The following EFCAB3 variants were observed in gnomAD, a reference collection of about 807,000 sequenced individuals.
EFCAB3 encodes the protein EF-hand calcium-binding domain-containing protein 3.
In EFCAB3, 36 loss-of-function variants were observed where a neutral mutation model predicts 42.2. The observed-to-expected ratio is 0.85, with a 90% CI of 0.65 to 1.13. The LOEUF (loss-of-function observed/expected upper bound fraction) is 1.13, where lower values mean the gene tolerates loss of function less well. Among genes scored for constraint, EFCAB3 ranks in the 50% most tolerant of loss-of-function variants. EFCAB3 has a pLI of 0.00. For synonymous variants in EFCAB3, 170 were observed against 172.8 expected (o/e 0.98, Z 0.13); for missense variants, 418 against 505.1 (o/e 0.83, Z 1.65).
chr17:62,413,784 T>C lies in EFCAB3; in HGVS notation c.920T>C (p.Phe307Ser). Residue 307 changes from phenylalanine (F) to serine (S), a missense_variant, in exon 9 of 10, where the codon TTC becomes TCC. Coordinates refer to ENST00000305286, the MANE Select transcript of EFCAB3 (RefSeq NM_173503.4). ...DPASGYSNNI[F>S]TIDQMLKKKQ... Reference sequence around the variant, plus strand: ...GCCTCAGGTTATTCAAATAACATCTTCACCATTGATCAAATGCTCAAGAAA... The same window carrying C: ...GCCTCAGGTTATTCAAATAACATCTCCACCATTGATCAAATGCTCAAGAAA... 1 of 1,613,878 alleles carries C rather than the reference T, an allele frequency of 6.2e-7. No individual in the cohort carries two copies. The highest frequency in any genetic ancestry group is 8.5e-7 in the Non-Finnish European group (1 of 1,179,824).
chr17:62,407,071 C>G lies in EFCAB3; in HGVS notation c.726C>G (p.Ile242Met), dbSNP rs376496911. ...GSDSPYSKIP[I>M]FPLFPNVDGV... ...ATAGCCCATATTCAAAAATACCCAT[C>G]TTTCCATTGTTCCCTAATGTGGATG... The change falls in exon 8 of 10, where the codon ATC (isoleucine) becomes ATG (methionine). Residue 242 changes from isoleucine (I) to methionine (M), a missense_variant. By Grantham distance (10) the Ile-to-Met change is conservative. Coordinates refer to ENST00000305286, the MANE Select transcript of EFCAB3 (RefSeq NM_173503.4). 5.6e-6 allele frequency: 9 copies of G among 1,602,124 alleles called. No individual in the cohort carries two copies. The highest frequency in any genetic ancestry group is 1.3e-5 in the African/African-American group (1 of 74,284).
intron 3 of EFCAB3, among the ~76,000 whole-genome samples, chr17:62,388,073 G>A (rs2070270194): frequency 6.6e-6 from 1 of 152,178 alleles, no homozygotes; most frequent in South Asian, 2.1e-4. Flanking sequence ...AGCTGAGCGT[G>A]GTGGCGGGCA....
chr17:62,398,117 G>A (rs1211772161), intron 6 of EFCAB3: 12 of 294,078 alleles, frequency 4.1e-5, no homozygotes, highest in Non-Finnish European at 7.6e-5. Context: ...CTATACAAAG[G>A]CACGAAGGAA....
At chr17:62,410,590 C>T (rs1361042562) in intron 8 of EFCAB3, among the ~76,000 whole-genome samples, 1 of 151,150 alleles carries the variant, frequency 6.6e-6, no homozygotes, top group Non-Finnish European at 1.5e-5. Context: ...TCTGTCTCTA[C>T]AAAATATATA....
rs2070338403 is a variant in EFCAB3 at position 62,395,157 on chromosome 17, C to T, written c.457C>T (p.Leu153=). 1.9e-6 allele frequency: 3 copies of T among 1,613,930 alleles called. No homozygotes were observed. Among genetic ancestry groups the T allele is most frequent in the Middle Eastern group, 3.3e-4 (2 of 6,060 alleles). Residue 153 remains leucine, a synonymous_variant, in exon 6 of 10, where the codon CTA becomes TTA. Transcript: ENST00000305286. ...ATCAAGGCTTCTAGAGACTTCAGCC[C>T]TACCCAGAAAGTCTATAATAGAAAT... ...ILSRLLETSA[L]PRKSIIEIVS...
intron 8 of EFCAB3, among the ~76,000 whole-genome samples, chr17:62,410,786 G>A (rs1352339993): frequency 2.0e-5 from 3 of 152,094 alleles, no homozygotes; most frequent in Non-Finnish European, 4.4e-5. Flanking sequence ...TGGGATTGGG[G>A]TTTAGATGCC....
At chr17:62,414,229 C>T (rs917049375) in intron 9 of EFCAB3, among the ~76,000 whole-genome samples, 11 of 152,184 alleles carry the variant, frequency 7.2e-5, no homozygotes, top group Admixed American at 3.3e-4. Context: ...AGCCCTGGGA[C>T]ACCAGCTGCA....
chr17:62,397,665 C>A, intron 6 of EFCAB3: 1 of 590,042 alleles, frequency 1.7e-6, no homozygotes, highest in South Asian at 1.5e-5. Flanking sequence ...GCCTTTGTAC[C>A]CAATGGTGGT....
upstream of EFCAB3, among the ~76,000 whole-genome samples, chr17:62,377,382 T>C (rs916607708): frequency 6.6e-6 from 1 of 152,162 alleles, no homozygotes; most frequent in Non-Finnish European, 1.5e-5. Flanking sequence ...CACACTTTTT[T>C]CCTGAGTATT....
At position 62,387,357 on chromosome 17, in the gene EFCAB3, G is replaced by A. The variant is rs1490959388; in HGVS notation, c.92G>A (p.Gly31Glu). 6.2e-7 allele frequency: 1 copy of A among 1,611,226 alleles called. No individual in the cohort carries two copies. The highest frequency in any genetic ancestry group is 8.5e-7 in the Non-Finnish European group (1 of 1,178,450). Residue 31 changes from glycine (G) to glutamate (E), a missense_variant, in exon 3 of 10, where the codon GGA (glycine) becomes GAA (glutamate). Gly to Glu is a moderately conservative substitution (Grantham distance 98, BLOSUM62 -2). Coordinates refer to ENST00000305286, the MANE Select transcript of EFCAB3 (RefSeq NM_173503.4). ...SHNKRDRDLP[G>E]SLQCQLQHKE... ...TTCCTCAGGGATAGAGACTTACCAG[G>A]ATCTCTTCAATGCCAATTACAACAC... is the stretch of plus-strand genomic sequence containing the variant.
rs747928103 is a variant in EFCAB3 at position 62,382,943 on chromosome 17, T to C, written c.-17-20T>C. On this transcript the variant is annotated intron_variant, in intron 1 of 9. Coordinates refer to ENST00000305286, the MANE Select transcript of EFCAB3 (RefSeq NM_173503.4). Reference sequence around the variant, plus strand: ...ATGAATCTGTAAACTGATTTCTTAATTGTATATTCTGAATTCCAGACAGAG... The same window carrying C: ...ATGAATCTGTAAACTGATTTCTTAACTGTATATTCTGAATTCCAGACAGAG... 2 of 1,592,960 alleles carry C rather than the reference T, an allele frequency of 1.3e-6. No homozygotes were observed. Among genetic ancestry groups the C allele is most frequent in the Admixed American group, 3.6e-5 (2 of 55,536 alleles).
chr17:62,374,700 A>G (rs1432994043), intron 2 of EFCAB3, among the ~76,000 whole-genome samples: 1 of 152,230 alleles, frequency 6.6e-6, no homozygotes, highest in African/African-American at 2.4e-5. Flanking sequence ...CCACACACGT[A>G]CAACCTCAAT....
chr17:62,380,742 T>G (rs2070189255), intron 1 of EFCAB3, 129 bp downstream of exon 1: 2 of 341,660 alleles, frequency 5.9e-6, no homozygotes, highest in Non-Finnish European at 8.3e-6. Flanking sequence ...ACAGCACCTT[T>G]CAAATGCCTG....
chr17:62,411,559 A>C (rs2070494781), intron 8 of EFCAB3, among the ~76,000 whole-genome samples: 1 of 152,172 alleles, frequency 6.6e-6, no homozygotes, highest in Non-Finnish European at 1.5e-5. Flanking sequence ...GCCTGAGGTC[A>C]GGAGTTCAAG....
chr17:62,383,629 T>C (rs1403765276), intron 2 of EFCAB3, among the ~76,000 whole-genome samples: 1 of 152,180 alleles, frequency 6.6e-6, no homozygotes, highest in Non-Finnish European at 1.5e-5. Context: ...TATACATCTT[T>C]TTTGATAGGA....
At chr17:62,405,136 T>C (rs2070437372) in intron 6 of EFCAB3, among the ~76,000 whole-genome samples, 2 of 152,228 alleles carry the variant, frequency 1.3e-5, no homozygotes, top group South Asian at 2.1e-4. Context: ...ATAGAGTATA[T>C]AGAGAATACT....
chr17:62,376,618 G>A (rs1038143025), upstream of EFCAB3, among the ~76,000 whole-genome samples: 6 of 152,106 alleles, frequency 3.9e-5, no homozygotes, highest in African/African-American at 1.4e-4. Context: ...AATGGCAATG[G>A]CATTTTTCAC....
intron 1 of EFCAB3, among the ~76,000 whole-genome samples, chr17:62,372,415 G>A (rs1240052546): frequency 2.0e-5 from 3 of 152,038 alleles, no homozygotes; most frequent in Admixed American, 2.0e-4. Context: ...CCAAGAAGCT[G>A]GGACTACAGG....
upstream of EFCAB3, chr17:62,377,944 T>C: frequency 3.9e-6 from 6 of 1,537,340 alleles, no homozygotes; most frequent in South Asian, 7.3e-5. Flanking sequence ...TCATGTAATT[T>C]TGATTCTTAA....
Sources: gnomAD v4.1 joint callset for allele counts (sites outside exome capture counted in the v4.1 genomes callset) on GRCh38, gnomAD v4.1.1 for gene constraint, MANE v1.5 for transcripts, NCBI Gene and HGNC (gene_info 2026-07-23, HGNC 2026-07-21) for gene names.